POLK: variants seen among roughly 807,000 people sequenced by gnomAD.
POLK encodes the protein DNA polymerase kappa, also known as polymerase (DNA directed) kappa.
In POLK, 76 loss-of-function variants were observed where a neutral mutation model predicts 94.0. The observed-to-expected ratio is 0.81, with a 90% CI of 0.67 to 0.98. The LOEUF is 0.98. Ranked by LOEUF, POLK falls within the 50% of genes least tolerant of loss-of-function variation. The pLI, the probability that POLK is intolerant of heterozygous loss-of-function variation, is 0.00. For synonymous variants in POLK, 349 were observed against 325.4 expected (o/e 1.07, Z -0.78); for missense variants, 954 against 1,010.1 (o/e 0.94, Z 0.75).
chr5:75,526,500 T>C (rs1263084978), intron 1 of POLK, among the ~76,000 whole-genome samples: 1 of 151,996 alleles, frequency 6.6e-6, no homozygotes, highest in African/African-American at 2.4e-5. Flanking sequence ...TATTTCTTTT[T>C]CAATATTTTT....
In POLK at chr5:75,597,046, G is replaced by A. The variant is rs969331727; in HGVS notation, c.2353G>A (p.Glu785Lys). The A allele has an allele frequency of 3.1e-6, 5 of 1,613,692 alleles. No homozygotes were observed. The South Asian group carries it at 5.5e-5, about 18-fold the overall frequency. The change falls in exon 13 of 15, where the codon GAA becomes AAA. Residue 785 changes from glutamate (E) to lysine (K), a missense_variant. Glu to Lys is a moderately conservative substitution (Grantham distance 56, BLOSUM62 1). Coordinates refer to ENST00000241436, the Ensembl canonical transcript of POLK. Reference sequence around the variant, plus strand: ...TCTAGTTTGTCCTGTTTGTAACGTAGAACAAAAGACTTCAGATCTAACCCT... The same window carrying A: ...TCTAGTTTGTCCTGTTTGTAACGTAAAACAAAAGACTTCAGATCTAACCCT...
intron 1 of POLK, among the ~76,000 whole-genome samples, chr5:75,515,552 A>G (rs1427200244): frequency 6.6e-6 from 1 of 152,108 alleles, no homozygotes; most frequent in Admixed American, 6.6e-5. Flanking sequence ...GCTATTGTGA[A>G]TAGTGCTGTA....
chr5:75,524,249 G>A (rs1768727259), intron 1 of POLK, among the ~76,000 whole-genome samples: 1 of 152,184 alleles, frequency 6.6e-6, no homozygotes, highest in Admixed American at 6.5e-5. Flanking sequence ...GTACTTTGAA[G>A]GTAGGGGTGG....
chr5:75,551,490 G>A (rs533293540), intron 2 of POLK, among the ~76,000 whole-genome samples: 1 of 151,946 alleles, frequency 6.6e-6, no homozygotes, highest in South Asian at 2.1e-4. Flanking sequence ...CTTATATCCA[G>A]AATATACAGA....
At position 75,593,867 on chromosome 5, in the gene POLK, A is replaced by G. The variant is rs754989184; in HGVS notation, c.1357-11A>G. ...CATAAATAAATAAATAACATATTGT[A>G]TATGTTATAGGGTAGAACTGTTACC... On this transcript the variant is annotated splice_polypyrimidine_tract_variant and intron_variant, in intron 11 of 14. Transcript: ENST00000241436. 8.8e-5 allele frequency: 129 copies of G among 1,465,074 alleles called. No homozygotes were observed. The highest frequency in any genetic ancestry group is 1.8e-4 in the Middle Eastern group (1 of 5,494). The allele number at this position is 1,465,074 out of a possible 1,614,324, so 90.8% of individuals were successfully genotyped here.
At chr5:75,573,239 C>T (rs972014983) in intron 4 of POLK, among the ~76,000 whole-genome samples, 8 of 152,100 alleles carry the variant, frequency 5.3e-5, no homozygotes, top group Non-Finnish European at 7.3e-5. Flanking sequence ...TGGAAACCAT[C>T]GTTCTCAGCA....
At chr5:75,601,309 A>G (rs1773290834), downstream of POLK, among the ~76,000 whole-genome samples, 1 of 152,204 alleles carries the variant, frequency 6.6e-6, no homozygotes, top group African/African-American at 2.4e-5. Context: ...CCCTAAGGCT[A>G]CAGCCTCAAT....
intron 1 of POLK, among the ~76,000 whole-genome samples, chr5:75,533,665 G>A (rs781388647): frequency 2.6e-5 from 4 of 152,294 alleles, no homozygotes; most frequent in Middle Eastern, 3.4e-3. Flanking sequence ...CGCTGAATCT[G>A]TAATTTGCTT....
intron 1 of POLK, among the ~76,000 whole-genome samples, chr5:75,534,458 CCT>C: frequency 6.6e-6 from 1 of 152,136 alleles, no homozygotes; most frequent in South Asian, 2.1e-4. Flanking sequence ...TGGTCTATTA[CCT>C]CCTGTACTGT....
intron 1 of POLK, among the ~76,000 whole-genome samples, chr5:75,524,585 G>A (rs189629234): frequency 1.1e-4 from 17 of 151,762 alleles, no homozygotes; most frequent in Middle Eastern, 3.4e-3. Context: ...GTATGGAGAA[G>A]TAAGCTCTTG....
intron 4 of POLK, among the ~76,000 whole-genome samples, chr5:75,570,135 C>T (rs529877978): frequency 4.6e-5 from 7 of 152,138 alleles, no homozygotes; most frequent in Non-Finnish European, 1.0e-4. Flanking sequence ...TTGTCTTCCA[C>T]GAAACCAGTC....
At chr5:75,553,809 G>A (rs1770451343) in intron 3 of POLK, among the ~76,000 whole-genome samples, 1 of 152,046 alleles carries the variant, frequency 6.6e-6, no homozygotes, top group Non-Finnish European at 1.5e-5. Flanking sequence ...TATTCTGTTT[G>A]CGAGTATATA....
chr5:75,596,030 G>A (rs995548849), intron 12 of POLK, among the ~76,000 whole-genome samples, 192 bp from the exon 13 acceptor site: 2 of 152,160 alleles, frequency 1.3e-5, no homozygotes, highest in African/African-American at 4.8e-5. Context: ...ACTCCAAATA[G>A]TTAATATTTA....
exon 13 of POLK, chr5:75,597,024 A>C: frequency 6.2e-7 from 1 of 1,613,944 alleles, no homozygotes; most frequent in Non-Finnish European, 8.5e-7. Flanking sequence ...GCCAAGCTCT[A>C]GTTTGTCCTG....
In POLK at chr5:75,511,877, G is replaced by T. The variant is rs1235392577; in HGVS notation, c.-51G>T. 2.0e-6 allele frequency: 3 copies of T among 1,505,828 alleles called. No individual in the cohort carries two copies. Among genetic ancestry groups the T allele is most frequent in the Non-Finnish European group, 1.8e-6 (2 of 1,113,716 alleles). 93.3% of individuals were successfully genotyped at this position (1,505,828 alleles called of 1,614,324 possible). On this transcript the variant is annotated 5_prime_UTR_variant, in exon 1 of 15. Transcript: ENST00000241436. The stretch of plus-strand genomic sequence containing the variant: ...AGGGCGTTGGTCCGTCGCTCGCGCA[G>T]CCTCCTGGGAGTTGTAGTCGCGATC...
exon 7 of POLK, chr5:75,581,285 T>C: frequency 6.2e-7 from 1 of 1,613,008 alleles, no homozygotes; most frequent in African/African-American, 1.3e-5. Context: ...AAGAGAGTCC[T>C]TCTGATGTGC....
intron 11 of POLK, among the ~76,000 whole-genome samples, chr5:75,591,476 A>C (rs1772780548): frequency 6.6e-6 from 1 of 152,198 alleles, no homozygotes; most frequent in Non-Finnish European, 1.5e-5. Flanking sequence ...CACAAAAATA[A>C]TAGAATTTCA....
chr5:75,525,834 T>G (rs777950164), intron 1 of POLK, among the ~76,000 whole-genome samples: 13 of 152,158 alleles, frequency 8.5e-5, no homozygotes, highest in Non-Finnish European at 1.9e-4. Flanking sequence ...GCATCTTAGG[T>G]GTAGTTGTGT....
At chr5:75,549,711 C>T (rs1770240187) in intron 2 of POLK, among the ~76,000 whole-genome samples, 1 of 151,816 alleles carries the variant, frequency 6.6e-6, no homozygotes, top group Non-Finnish European at 1.5e-5. Context: ...TTTTTTAAAA[C>T]TCTTATCAGA....
Sources: allele counts gnomAD v4.1 joint callset (sites outside exome capture counted in the v4.1 genomes callset), GRCh38; gene constraint gnomAD v4.1.1; transcripts MANE v1.5; gene names NCBI Gene and HGNC (gene_info 2026-07-23, HGNC 2026-07-21).